The following TDP1 variants were observed in gnomAD, a reference collection of about 807,000 sequenced individuals.
TDP1 encodes the protein tyrosyl-DNA phosphodiesterase 1.
A neutral mutation model predicts 81.5 loss-of-function variants in TDP1; 64 were observed. The ratio of observed to expected loss-of-function variants is 0.79; its 90% CI spans 0.64 to 0.97. The LOEUF is 0.97. Ranked by LOEUF, TDP1 falls within the 50% of genes least tolerant of loss-of-function variation. The probability of loss-of-function intolerance (pLI) is 0.00; values close to 1 mark genes in which losing one functional copy is unlikely to be tolerated. For synonymous variants in TDP1, 256 were observed against 264.3 expected, an observed-to-expected ratio of 0.97 and a Z score of 0.30; for missense variants, 723 against 743.8, an observed-to-expected ratio of 0.97 and a Z score of 0.33.
intron 6 of TDP1, chr14:89,975,425 T>C (rs1372948626): frequency 1.0e-6 from 1 of 985,278 alleles, no homozygotes; most frequent in Non-Finnish European, 1.2e-6. Flanking sequence ...CATTAATTTC[T>C]GTATAAGCCA....
chr14:90,018,141 TC>T (rs1371992395), intron 14 of TDP1, among the ~76,000 whole-genome samples: 1 of 152,130 alleles, frequency 6.6e-6, no homozygotes, highest in Non-Finnish European at 1.5e-5. Flanking sequence ...AGACAATAGT[TC>T]CAGCACATAG....
rs965443779 is a variant in TDP1 at position 90,032,981 on chromosome 14, C to T, written c.1645-125C>T. On this transcript the variant is annotated intron_variant, in intron 15 of 16. Transcript: ENST00000335725. ...ATTTGCCTATGAACATTGAAAATAC[C>T]TCCAAAATAATTTGAATTTTATTTA... is the stretch of plus-strand genomic sequence containing the variant. 21 of 1,154,098 alleles carry T rather than the reference C, an allele frequency of 1.8e-5. No homozygotes were observed. The African/African-American group carries it at 3.0e-4, about 17-fold the overall frequency. The allele number at this position is 1,154,098 out of a possible 1,614,324, so 71.5% of individuals were successfully genotyped here.
chr14:90,016,815 A>G (rs886221289), intron 14 of TDP1, among the ~76,000 whole-genome samples: 2 of 152,170 alleles, frequency 1.3e-5, no homozygotes, highest in African/African-American at 4.8e-5. Context: ...CTGTCACTCA[A>G]CATGACTTTA....
At chr14:89,987,076 G>C (rs1566876719) in intron 10 of TDP1, 1 of 152,228 alleles carries the variant, frequency 6.6e-6, no homozygotes. Flanking sequence ...TTTATGTTTA[G>C]ACCATCACAG....
rs150340368 is a variant in TDP1, at chr14:89,988,257, C to T, written c.1132-648C>T. On this transcript the variant is annotated intron_variant, in intron 10 of 16. Transcript: ENST00000335725. ...TGTCCTTTTGGGTTTTTAATGGAGG[C>T]TTCATTACATAGGCATGGTTGATTA... Among the ~76,000 whole-genome samples, 343 of 152,274 alleles carry T rather than the reference C, an allele frequency of 2.3e-3. 1 individual carries two copies. Among genetic ancestry groups the T allele is most frequent in the Middle Eastern group, 6.8e-3 (2 of 294 alleles).
intron 7 of TDP1, chr14:89,980,013 T>C: frequency 3.8e-6 from 1 of 262,088 alleles, no homozygotes; most frequent in Non-Finnish European, 5.9e-6. Context: ...CTTCTTAAAA[T>C]TTCAACTCAT....
At chr14:90,015,125 A>T (rs377705016) in intron 14 of TDP1, among the ~76,000 whole-genome samples, 2 of 152,294 alleles carry the variant, frequency 1.3e-5, no homozygotes, top group African/African-American at 4.8e-5. Flanking sequence ...GACAGCCCTC[A>T]TTCTGGATAT....
intron 16 of TDP1, among the ~76,000 whole-genome samples, chr14:90,041,178 G>C (rs1888315354): frequency 6.6e-6 from 1 of 152,148 alleles, no homozygotes; most frequent in African/African-American, 2.4e-5. Flanking sequence ...GGAAACGATG[G>C]GTAAATAACA....
At chr14:89,997,574 T>C (rs1896741584) in intron 14 of TDP1, among the ~76,000 whole-genome samples, 2 of 152,192 alleles carry the variant, frequency 1.3e-5, no homozygotes, top group African/African-American at 2.4e-5. Flanking sequence ...TTTGGAGTTT[T>C]GGTTAGTACT....
At chr14:90,012,707 T>C (rs1187082293) in intron 14 of TDP1, among the ~76,000 whole-genome samples, 3 of 152,016 alleles carry the variant, frequency 2.0e-5, no homozygotes, top group Non-Finnish European at 4.4e-5. Context: ...ACTGGGGCAC[T>C]GCCTAGTGGA....
At chr14:90,025,992 C>T (rs1293703633) in intron 15 of TDP1, among the ~76,000 whole-genome samples, 2 of 152,228 alleles carry the variant, frequency 1.3e-5, no homozygotes, top group East Asian at 1.9e-4. Flanking sequence ...TGCTTACTTC[C>T]GGATGAAAGT....
At chr14:89,960,309 T>TA (rs1892175689) in intron 2 of TDP1, among the ~76,000 whole-genome samples, 1 of 152,138 alleles carries the variant, frequency 6.6e-6, no homozygotes, top group Non-Finnish European at 1.5e-5. Flanking sequence ...TAAAAACATT[T>TA]AAAAAACCAC....
chr14:89,960,226 C>A (rs962325538), intron 2 of TDP1, among the ~76,000 whole-genome samples: 3 of 152,134 alleles, frequency 2.0e-5, no homozygotes, highest in African/African-American at 7.2e-5. Flanking sequence ...ATACCCCTAT[C>A]CAGCAACTTC....
At chr14:90,039,360 G>T (rs1888135056) in intron 16 of TDP1, among the ~76,000 whole-genome samples, 1 of 152,130 alleles carries the variant, frequency 6.6e-6, no homozygotes, top group Admixed American at 6.5e-5. Context: ...ATGTAAAATG[G>T]CATTGGATCT....
At chr14:89,961,235 G>A (rs1448491753) in intron 2 of TDP1, among the ~76,000 whole-genome samples, 1 of 152,226 alleles carries the variant, frequency 6.6e-6, no homozygotes, top group Non-Finnish European at 1.5e-5. Flanking sequence ...GGAGAGACAT[G>A]AAGGCACTCA....
chr14:89,963,248 G>T lies in TDP1; in HGVS notation c.134G>T (p.Arg45Met). The stretch of plus-strand genomic sequence containing the variant: ...AGGCAAGGAGCAGCAAATGAGCCCA[G>T]GTACACCTGTTCCGAGGCCCAGAAA... ...CARQGAANEP[R>M]YTCSEAQKAA... Residue 45 changes from arginine to methionine, a missense_variant, in exon 3 of 17, where the codon AGG becomes ATG. Coordinates refer to ENST00000335725, the MANE Select transcript of TDP1 (RefSeq NM_018319.4). The T allele has an allele frequency of 6.2e-7, 1 of 1,614,136 alleles. No individual in the cohort carries two copies. The highest frequency in any genetic ancestry group is 1.1e-5 in the South Asian group (1 of 91,086).
rs1891674579 is a variant in TDP1, at chr14:89,956,610, A to G, written c.-198A>G. ...GCACACAGCTGTATTAAAAAGGCAAATCGAAGGCCGGGCGCGGTGACTCAC... is the reference window on the plus strand; with the variant it reads ...GCACACAGCTGTATTAAAAAGGCAAGTCGAAGGCCGGGCGCGGTGACTCAC... On this transcript the variant is annotated 5_prime_UTR_variant, in exon 2 of 17. Coordinates refer to ENST00000335725, the MANE Select transcript of TDP1 (RefSeq NM_018319.4). 3 of 152,260 alleles carry G rather than the reference A, an allele frequency of 2.0e-5. No individual in the cohort carries two copies. The highest frequency in any genetic ancestry group is 2.0e-4 in the Admixed American group (3 of 15,292). The allele number at this position is 152,260 out of a possible 1,614,324, so 9.4% of individuals were successfully genotyped here.
rs557873333 is a variant in TDP1 at position 90,003,157 on chromosome 14, C to T, written c.1541+9674C>T. The stretch of plus-strand genomic sequence containing the variant: ...TTCACGGTATTGGCCAGGCTGGTCT[C>T]GAACTCCTGACCTTGTGATCCGCCC... On this transcript the variant is annotated intron_variant, in intron 14 of 16. Transcript: ENST00000335725. Among the ~76,000 whole-genome samples, 368 of 152,194 alleles carry T rather than the reference C, an allele frequency of 2.4e-3. 1 individual carries two copies. The highest frequency in any genetic ancestry group is 8.0e-3 in the African/African-American group (332 of 41,530).
At chr14:90,001,710 A>G (rs932188270) in intron 14 of TDP1, among the ~76,000 whole-genome samples, 3 of 152,146 alleles carry the variant, frequency 2.0e-5, no homozygotes, top group Non-Finnish European at 2.9e-5. Context: ...TACAATAACT[A>G]TACTTTTCTT....
Sources: allele counts gnomAD v4.1 joint callset (sites outside exome capture counted in the v4.1 genomes callset), GRCh38; gene constraint gnomAD v4.1.1; transcripts MANE v1.5; gene names NCBI Gene and HGNC (gene_info 2026-07-23, HGNC 2026-07-21).